The following RALYL variants were observed in gnomAD, a reference collection of about 807,000 sequenced individuals.
RALYL encodes RALY RNA binding protein like.
A neutral mutation model predicts 35.1 loss-of-function variants in RALYL; 29 were observed. The observed-to-expected ratio is 0.83, with a 90% CI of 0.61 to 1.13. RALYL has a LOEUF of 1.13. Among genes scored for constraint, RALYL ranks in the 50% most tolerant of loss-of-function variants. The pLI is 0.00. For synonymous variants in RALYL, 120 were observed against 127.6 expected (o/e 0.94, Z 0.40); for missense variants, 359 against 360.4 (o/e 1.00, Z 0.03).
intron 2 of RALYL, among the ~76,000 whole-genome samples, chr8:84,555,545 T>C (rs1297116603): frequency 6.6e-6 from 1 of 152,334 alleles, no homozygotes; most frequent in East Asian, 1.9e-4. Context: ...TCTCTTTCAC[T>C]AACTGGTACA....
intron 1 of RALYL, among the ~76,000 whole-genome samples, chr8:84,356,819 TAAAA>T (rs1851928116): frequency 1.3e-5 from 2 of 150,208 alleles, no homozygotes; most frequent in African/African-American, 2.5e-5. Flanking sequence ...CATAACACAG[TAAAA>T]TAAAAGAATA....
chr8:84,856,844 A>G (rs1036931841), intron 5 of RALYL, among the ~76,000 whole-genome samples: 1 of 151,050 alleles, frequency 6.6e-6, no homozygotes, highest in Admixed American at 6.6e-5. Flanking sequence ...CTGGCTAACA[A>G]GGTGAAACCC....
At chr8:84,804,379 T>C (rs1314472851) in intron 3 of RALYL, among the ~76,000 whole-genome samples, 1 of 152,192 alleles carries the variant, frequency 6.6e-6, no homozygotes, top group African/African-American at 2.4e-5. Flanking sequence ...AACTAACATG[T>C]AACAAGCACA....
chr8:84,449,033 G>C (rs2049149936), intron 1 of RALYL, among the ~76,000 whole-genome samples: 1 of 149,836 alleles, frequency 6.7e-6, no homozygotes. Flanking sequence ...TGGAATGTGA[G>C]TATTAAGCTT....
At chr8:84,366,643 C>T (rs1044703629) in intron 1 of RALYL, among the ~76,000 whole-genome samples, 1 of 151,262 alleles carries the variant, frequency 6.6e-6, no homozygotes, top group Non-Finnish European at 1.5e-5. Flanking sequence ...GATGTGGTGG[C>T]TTGTGCAGGT....
At chr8:84,389,063 C>T (rs915763255) in intron 1 of RALYL, among the ~76,000 whole-genome samples, 1 of 152,130 alleles carries the variant, frequency 6.6e-6, no homozygotes, top group Non-Finnish European at 1.5e-5. Flanking sequence ...CTATATGTGG[C>T]TAGCCAGTTT....
chr8:84,264,109 T>C (rs1334775384), intron 1 of RALYL, among the ~76,000 whole-genome samples: 3 of 152,366 alleles, frequency 2.0e-5, no homozygotes, highest in East Asian at 3.9e-4. Flanking sequence ...GAATGATTTA[T>C]ATTCCTTTGG....
chr8:84,515,395 G>A (rs1426784636), intron 1 of RALYL, among the ~76,000 whole-genome samples: 1 of 152,110 alleles, frequency 6.6e-6, no homozygotes, highest in Non-Finnish European at 1.5e-5. Flanking sequence ...CTTAAAATGA[G>A]ATTCATTTGA....
At chr8:84,692,876 A>T (rs1010803027) in intron 2 of RALYL, among the ~76,000 whole-genome samples, 4 of 151,978 alleles carry the variant, frequency 2.6e-5, no homozygotes, top group African/African-American at 7.2e-5. Flanking sequence ...GAGACATGGT[A>T]ATGGATCCAC....
chr8:84,863,589 T>C (rs1423433135), intron 6 of RALYL, among the ~76,000 whole-genome samples: 1 of 152,192 alleles, frequency 6.6e-6, no homozygotes, highest in Non-Finnish European at 1.5e-5. Flanking sequence ...ATAGACATAG[T>C]AGAGTCTCTT....
rs140186618 is a variant in RALYL at position 84,642,924 on chromosome 8, C to G, written c.256+113347C>G. ...ACACCTACATGGTATGGGGTGAATC[C>G]CTCTCATCTCTGCAAGTCACCAGTT... On this transcript the variant is annotated intron_variant, in intron 2 of 8. Coordinates refer to ENST00000521268, the MANE Select transcript of RALYL (RefSeq NM_173848.7). Among the ~76,000 whole-genome samples the G allele has an allele frequency of 2.3e-3, 357 of 152,042 alleles. 3 individuals are homozygous for G. The highest frequency in any genetic ancestry group is 8.1e-3 in the African/African-American group (335 of 41,484).
In RALYL at chr8:84,921,382, T is replaced by C. The variant is rs1178001193; in HGVS notation, c.*471T>C. ...TTTATAATTTATTTATAATTTATAG[T>C]TTAAAGTACTTCAGATCATAATGAT... On this transcript the variant is annotated 3_prime_UTR_variant, in exon 9 of 9. Coordinates refer to ENST00000521268, the MANE Select transcript of RALYL (RefSeq NM_173848.7). 3 of 152,056 alleles carry C rather than the reference T, an allele frequency of 2.0e-5. No homozygotes were observed. Among genetic ancestry groups the C allele is most frequent in the African/African-American group, 7.2e-5 (3 of 41,440 alleles). 9.4% of individuals were successfully genotyped at this position (152,056 alleles called of 1,614,324 possible).
At chr8:84,438,996 G>T (rs2048043768) in intron 1 of RALYL, among the ~76,000 whole-genome samples, 2 of 151,828 alleles carry the variant, frequency 1.3e-5, no homozygotes, top group Admixed American at 1.3e-4. Context: ...GAGCCTTATA[G>T]TATAGTTTGA....
intron 1 of RALYL, among the ~76,000 whole-genome samples, chr8:84,410,709 C>CA (rs1201528604): frequency 2.6e-5 from 4 of 151,140 alleles, no homozygotes; most frequent in Admixed American, 6.6e-5. Context: ...TTAAATAAAA[C>CA]AAAAAAAGAT....
intron 1 of RALYL, among the ~76,000 whole-genome samples, chr8:84,200,725 G>T (rs1816641591): frequency 6.6e-6 from 1 of 152,004 alleles, no homozygotes; most frequent in South Asian, 2.1e-4. Context: ...GGGCTATTTT[G>T]CAAATAGTTT....
chr8:84,501,855 A>G lies in RALYL; in HGVS notation c.-23-27444A>G, dbSNP rs1260499362. 4.0e-5 allele frequency among the ~76,000 whole-genome samples: 6 copies of G among 150,416 alleles called. No homozygotes were observed. In the East Asian group the frequency reaches 1.2e-3, roughly 29 times the overall value. The stretch of plus-strand genomic sequence containing the variant: ...TAAATAATATAGATCCTAAGCCTAT[A>G]TATAATATCATATTATGTTATTCAT... On this transcript the variant is annotated intron_variant, in intron 1 of 8. Transcript: ENST00000521268.
chr8:84,437,577 T>C (rs1271696727), intron 1 of RALYL, among the ~76,000 whole-genome samples: 2 of 152,094 alleles, frequency 1.3e-5, no homozygotes, highest in African/African-American at 4.8e-5. Context: ...TATCTCATTG[T>C]GGTTTTGATG....
intron 1 of RALYL, among the ~76,000 whole-genome samples, chr8:84,439,241 T>C (rs1175066401): frequency 6.6e-6 from 1 of 152,164 alleles, no homozygotes; most frequent in Non-Finnish European, 1.5e-5. Flanking sequence ...TCGATTTGTT[T>C]GTGTCATCTA....
chr8:84,598,849 C>A (rs183054516), intron 2 of RALYL, among the ~76,000 whole-genome samples: 9 of 152,086 alleles, frequency 5.9e-5, no homozygotes, highest in Non-Finnish European at 1.2e-4. Context: ...CCAGCTGGAT[C>A]ATATGGTATT....
Sources: gnomAD v4.1 joint callset for allele counts (sites outside exome capture counted in the v4.1 genomes callset) on GRCh38, gnomAD v4.1.1 for gene constraint, MANE v1.5 for transcripts, NCBI Gene and HGNC (gene_info 2026-07-23, HGNC 2026-07-21) for gene names.